The following LDB2 variants were observed in gnomAD, a reference collection of about 807,000 sequenced individuals.
The protein encoded by LDB2 is LIM domain-binding protein 2.
In LDB2, 12 loss-of-function variants were observed where a neutral mutation model predicts 44.3. That is an observed-to-expected ratio of 0.27 (90% CI 0.17 to 0.44). LDB2 has a LOEUF of 0.44. LDB2 is among the 20% of genes least tolerant of loss of function. LDB2 has a pLI of 1.00. For synonymous variants in LDB2, 164 were observed against 174.8 expected (o/e 0.94, Z 0.49); for missense variants, 344 against 473.5 (o/e 0.73, Z 2.54).
intron 1 of LDB2, among the ~76,000 whole-genome samples, chr4:16,765,212 G>C (rs540414032): frequency 2.6e-5 from 4 of 152,268 alleles, no homozygotes; most frequent in African/African-American, 7.2e-5. Flanking sequence ...TCTATCCAGA[G>C]AAAAAACATT....
chr4:16,834,915 G>A (rs547393627), intron 1 of LDB2, among the ~76,000 whole-genome samples: 1 of 151,926 alleles, frequency 6.6e-6, no homozygotes, highest in Admixed American at 6.5e-5. Context: ...CATAGTAATT[G>A]GCACATGGAA....
chr4:16,705,489 C>T (rs995604154), intron 2 of LDB2, among the ~76,000 whole-genome samples: 3 of 152,050 alleles, frequency 2.0e-5, no homozygotes, highest in African/African-American at 7.2e-5. Context: ...AACAACATGA[C>T]CTAAAGCTGC....
chr4:16,615,362 T>C (rs1726970022), intron 2 of LDB2, among the ~76,000 whole-genome samples: 1 of 152,110 alleles, frequency 6.6e-6, no homozygotes, highest in African/African-American at 2.4e-5. Context: ...ACCCAAATGC[T>C]CATCGATGAT....
chr4:16,729,853 T>G (rs2108908189), intron 2 of LDB2, among the ~76,000 whole-genome samples: 1 of 152,182 alleles, frequency 6.6e-6, no homozygotes, highest in African/African-American at 2.4e-5. Flanking sequence ...TGATTAGGGG[T>G]TTTCTAAAAT....
intron 4 of LDB2, among the ~76,000 whole-genome samples, chr4:16,587,943 T>C (rs1159959533): frequency 6.6e-6 from 1 of 152,214 alleles, no homozygotes; most frequent in Non-Finnish European, 1.5e-5. Flanking sequence ...TAGTTACTGT[T>C]ATGCTATTTT....
chr4:16,530,902 C>G (rs1167395075), intron 5 of LDB2, among the ~76,000 whole-genome samples: 2 of 152,178 alleles, frequency 1.3e-5, no homozygotes, highest in African/African-American at 4.8e-5. Flanking sequence ...AGATAAGCAA[C>G]CTAAGGCTTA....
chr4:16,783,821 G>A (rs1293646587), intron 1 of LDB2, among the ~76,000 whole-genome samples: 1 of 152,142 alleles, frequency 6.6e-6, no homozygotes, highest in African/African-American at 2.4e-5. Context: ...GATTTGAGTG[G>A]TTTTTGGTTT....
chr4:16,729,519 T>G (rs1009121754), intron 2 of LDB2, among the ~76,000 whole-genome samples: 2 of 152,136 alleles, frequency 1.3e-5, no homozygotes, highest in African/African-American at 4.8e-5. Flanking sequence ...AATTAACAAA[T>G]CTTTGAAAAA....
chr4:16,518,466 C>G (rs1724684809), intron 5 of LDB2, among the ~76,000 whole-genome samples: 1 of 150,938 alleles, frequency 6.6e-6, no homozygotes, highest in Non-Finnish European at 1.5e-5. Flanking sequence ...ACGCGTTGCT[C>G]AGACCTTTGC....
chr4:16,785,652 C>T (rs894442127), intron 1 of LDB2, among the ~76,000 whole-genome samples: 5 of 152,116 alleles, frequency 3.3e-5, no homozygotes, highest in African/African-American at 1.2e-4. Flanking sequence ...AAATGCATGG[C>T]AGATAGACAG....
intron 2 of LDB2, among the ~76,000 whole-genome samples, chr4:16,725,936 T>C (rs2152689642): frequency 6.7e-6 from 1 of 148,522 alleles, no homozygotes; most frequent in African/African-American, 2.4e-5. Flanking sequence ...TGTATAAATA[T>C]ACATTATATG....
chr4:16,846,666 A>T (rs1342422782), intron 1 of LDB2, among the ~76,000 whole-genome samples: 1 of 152,180 alleles, frequency 6.6e-6, no homozygotes, highest in African/African-American at 2.4e-5. Flanking sequence ...GCATTGCTAA[A>T]AGCAGGTAGG....
At chr4:16,727,906 T>G (rs1435197899) in intron 2 of LDB2, among the ~76,000 whole-genome samples, 1 of 152,170 alleles carries the variant, frequency 6.6e-6, no homozygotes, top group Non-Finnish European at 1.5e-5. Flanking sequence ...GTTTTACAGA[T>G]AAATAAACTG....
intron 1 of LDB2, among the ~76,000 whole-genome samples, chr4:16,839,281 A>G (rs1401114758): frequency 6.6e-6 from 1 of 152,220 alleles, no homozygotes. Context: ...GCTTCCATTC[A>G]TGGCAGAAGG....
chr4:16,579,700 A>T (rs1398670001), intron 5 of LDB2, among the ~76,000 whole-genome samples: 2 of 152,120 alleles, frequency 1.3e-5, no homozygotes, highest in African/African-American at 4.8e-5. Flanking sequence ...AATGAATCAC[A>T]TGTTTTTTTC....
intron 5 of LDB2, among the ~76,000 whole-genome samples, chr4:16,567,382 G>A (rs1577807226): frequency 1.7e-5 from 1 of 59,182 alleles, no homozygotes; most frequent in East Asian, 2.4e-4. Context: ...GTGTGTGTGT[G>A]TGCGCGTGTG....
At chr4:16,528,788 G>A (rs1729123134) in intron 5 of LDB2, among the ~76,000 whole-genome samples, 1 of 152,154 alleles carries the variant, frequency 6.6e-6, no homozygotes, top group Non-Finnish European at 1.5e-5. Context: ...AAGGGACGTG[G>A]GCGAAGAACA....
At chr4:16,783,762 G>A (rs1773821706) in intron 1 of LDB2, among the ~76,000 whole-genome samples, 1 of 152,186 alleles carries the variant, frequency 6.6e-6, no homozygotes, top group South Asian at 2.1e-4. Flanking sequence ...CCCTTGATTG[G>A]AATTCTATGG....
intron 2 of LDB2, among the ~76,000 whole-genome samples, chr4:16,659,766 A>G (rs1010838509): frequency 6.6e-6 from 1 of 151,514 alleles, no homozygotes; most frequent in Non-Finnish European, 1.5e-5. Context: ...AAAGTTCAGG[A>G]AGACAAAGAA....
Sources: gnomAD v4.1 joint callset for allele counts (sites outside exome capture counted in the v4.1 genomes callset) on GRCh38, gnomAD v4.1.1 for gene constraint, MANE v1.5 for transcripts, NCBI Gene and HGNC (gene_info 2026-07-23, HGNC 2026-07-21) for gene names.